The following UST variants were observed in gnomAD, a reference collection of about 807,000 sequenced individuals.
The protein encoded by UST is chondroitin sulfate 2-O-sulfotransferase.
UST carries 21 observed loss-of-function variants against 45.6 expected under a neutral mutation model. That is an observed-to-expected ratio of 0.46 (90% CI 0.33 to 0.66). UST has a LOEUF of 0.66. UST is among the 30% of genes least tolerant of loss of function. The pLI, the probability that UST is intolerant of heterozygous loss-of-function variation, is 0.02. For synonymous variants in UST, 215 were observed against 200.6 expected (o/e 1.07, Z -0.61); for missense variants, 463 against 512.4 (o/e 0.90, Z 0.93).
chr6:149,054,579 TC>T (rs760856155), intron 7 of UST, among the ~76,000 whole-genome samples: 1 of 152,036 alleles, frequency 6.6e-6, no homozygotes, highest in Non-Finnish European at 1.5e-5. Flanking sequence ...TCTGCTATTG[TC>T]GGGGGGCAGG....
intron 2 of UST, among the ~76,000 whole-genome samples, chr6:148,893,769 C>T (rs923039879): frequency 6.6e-6 from 1 of 152,152 alleles, no homozygotes; most frequent in African/African-American, 2.4e-5. Context: ...GATGCACACT[C>T]AACACAAGGA....
chr6:148,764,615 G>A (rs184932879), intron 1 of UST, among the ~76,000 whole-genome samples: 12 of 152,218 alleles, frequency 7.9e-5, no homozygotes, highest in East Asian at 3.9e-4. Context: ...CTGGGTGTCC[G>A]GAGGAGACAT....
At chr6:149,010,048 A>T (rs1486848716) in intron 5 of UST, among the ~76,000 whole-genome samples, 1 of 151,432 alleles carries the variant, frequency 6.6e-6, no homozygotes, top group African/African-American at 2.4e-5. Flanking sequence ...TAGTCATATT[A>T]TATATATATA....
intron 3 of UST, among the ~76,000 whole-genome samples, chr6:148,941,986 A>G (rs1225326245): frequency 1.3e-5 from 2 of 152,154 alleles, no homozygotes; most frequent in Non-Finnish European, 2.9e-5. Context: ...TGAGCTGTAC[A>G]AGTGGACGTG....
intron 1 of UST, among the ~76,000 whole-genome samples, chr6:148,877,805 CAT>C (rs1778717519): frequency 1.1e-5 from 1 of 91,508 alleles, no homozygotes; most frequent in East Asian, 3.5e-4. Context: ...TGTGAGGGGT[CAT>C]GTGTGAGTGT....
chr6:148,903,558 G>A (rs548797011), intron 2 of UST, among the ~76,000 whole-genome samples: 169 of 152,268 alleles, frequency 1.1e-3, no homozygotes, highest in Non-Finnish European at 2.0e-3. Flanking sequence ...TGCTGAATTA[G>A]TTTAATTCAA....
chr6:149,013,186 T>A (rs1775840145), intron 5 of UST, among the ~76,000 whole-genome samples: 1 of 152,230 alleles, frequency 6.6e-6, no homozygotes, highest in South Asian at 2.1e-4. Flanking sequence ...AGCCTTGTAT[T>A]AACTCGTAAG....
In UST at chr6:149,049,931, T is replaced by TCTCTCA. The variant is rs1475301439; in HGVS notation, c.938-23901_938-23900insTCTCAC. 1.9e-4 allele frequency among the ~76,000 whole-genome samples: 26 copies of TCTCTCA among 134,546 alleles called. 1 individual carries two copies. The East Asian group carries it at 4.7e-3, about 24-fold the overall frequency. The allele number at this position is 134,546 out of a possible 152,430, so 88.3% of individuals were successfully genotyped here. On this transcript the variant is annotated intron_variant, in intron 7 of 7. Coordinates refer to ENST00000367463, the MANE Select transcript of UST (RefSeq NM_005715.3). ...TTGTCTCTCTCTCTCTCTCTCTCTC[T>TCTCTCA]CACACACACACACACACACACACAC...
chr6:148,895,732 A>G (rs1289931345), intron 2 of UST, among the ~76,000 whole-genome samples: 1 of 152,194 alleles, frequency 6.6e-6, no homozygotes, highest in Admixed American at 6.5e-5. Flanking sequence ...GTCTGCTGCC[A>G]TGTGAGATGT....
chr6:148,926,816 G>T (rs762274900), intron 2 of UST, among the ~76,000 whole-genome samples: 5 of 152,138 alleles, frequency 3.3e-5, no homozygotes, highest in Admixed American at 6.6e-5. Context: ...TGGGCATATT[G>T]TTACCTAGAA....
At chr6:148,933,716 A>C (rs551416912) in intron 2 of UST, among the ~76,000 whole-genome samples, 5 of 152,342 alleles carry the variant, frequency 3.3e-5, no homozygotes, top group Admixed American at 2.6e-4. Context: ...AGATGGTTTG[A>C]TGGGCAAAGG....
intron 5 of UST, among the ~76,000 whole-genome samples, chr6:149,012,099 G>A (rs911177440): frequency 6.6e-6 from 1 of 152,312 alleles, no homozygotes; most frequent in Non-Finnish European, 1.5e-5. Context: ...GGAGAGCAAC[G>A]TGCTTCTCTG....
chr6:148,759,456 G>A (rs1170867370), intron 1 of UST, among the ~76,000 whole-genome samples: 2 of 151,816 alleles, frequency 1.3e-5, no homozygotes, highest in East Asian at 1.9e-4. Context: ...GAACCCAGGA[G>A]GCGGAGCTTG....
At chr6:148,757,601 C>T (rs1327693924) in intron 1 of UST, among the ~76,000 whole-genome samples, 2 of 152,182 alleles carry the variant, frequency 1.3e-5, no homozygotes, top group Non-Finnish European at 2.9e-5. Flanking sequence ...CTATAATAAC[C>T]TTAAGTCATG....
chr6:149,028,503 G>C (rs1046046184), intron 7 of UST, among the ~76,000 whole-genome samples: 23 of 152,166 alleles, frequency 1.5e-4, no homozygotes, highest in Admixed American at 1.5e-3. Flanking sequence ...AACAAATGAA[G>C]GAAATGATTA....
intron 7 of UST, among the ~76,000 whole-genome samples, chr6:149,021,800 C>T (rs1775985030): frequency 1.3e-5 from 2 of 152,166 alleles, no homozygotes; most frequent in African/African-American, 4.8e-5. Context: ...CAACATTTTC[C>T]ATCAGCCTTG....
intron 4 of UST, among the ~76,000 whole-genome samples, chr6:148,963,747 ACCTTATT>A (rs1369924642): frequency 6.6e-6 from 1 of 152,184 alleles, no homozygotes; most frequent in Admixed American, 6.5e-5. Context: ...CAAGTTATGA[ACCTTATT>A]CCTGCCTCAG....
At chr6:148,749,558 T>C (rs540197886) in intron 1 of UST, among the ~76,000 whole-genome samples, 10 of 152,250 alleles carry the variant, frequency 6.6e-5, no homozygotes, top group Non-Finnish European at 1.2e-4. Context: ...CACCTGACTG[T>C]CAATGAAACC....
At chr6:149,021,993 A>C (rs1775988606) in intron 7 of UST, among the ~76,000 whole-genome samples, 1 of 152,380 alleles carries the variant, frequency 6.6e-6, no homozygotes, top group South Asian at 2.1e-4. Context: ...TAGAGCAGCA[A>C]ATTGAAAATA....
Sources: gnomAD v4.1 joint callset for allele counts (sites outside exome capture counted in the v4.1 genomes callset) on GRCh38, gnomAD v4.1.1 for gene constraint, MANE v1.5 for transcripts, NCBI Gene and HGNC (gene_info 2026-07-23, HGNC 2026-07-21) for gene names.